Variants in PLA2G5 observed in about 807,000 individuals in gnomAD.
The protein encoded by PLA2G5 is Ca2+-dependent phospholipase A2.
A neutral mutation model predicts 15.9 loss-of-function variants in PLA2G5; 12 were observed. The observed-to-expected ratio is 0.76, with a 90% CI of 0.48 to 1.23. The LOEUF (loss-of-function observed/expected upper bound fraction) is 1.23. Ranked by LOEUF, PLA2G5 falls within the 50% of genes most tolerant of loss-of-function variation. The pLI is 0.00. For synonymous variants in PLA2G5, 71 were observed against 71.4 expected (o/e 0.99, Z 0.03); for missense variants, 169 against 177.1 (o/e 0.95, Z 0.26).
intron 1 of PLA2G5, among the ~76,000 whole-genome samples, chr1:20,078,226 G>T (rs2015795480): frequency 6.6e-6 from 1 of 152,178 alleles, no homozygotes; most frequent in Admixed American, 6.5e-5. Context: ...GGGTCCCTGA[G>T]GGCAAGCTCA....
chr1:20,056,795 A>AT (rs1432202148), intron 1 of PLA2G5, among the ~76,000 whole-genome samples: 1 of 152,006 alleles, frequency 6.6e-6, no homozygotes, highest in African/African-American at 2.4e-5. Flanking sequence ...AATTAATATG[A>AT]TTTTTTCCTT....
At chr1:20,072,941 G>A (rs561074354) in intron 1 of PLA2G5, among the ~76,000 whole-genome samples, 2 of 152,310 alleles carry the variant, frequency 1.3e-5, no homozygotes, top group Admixed American at 6.5e-5. Flanking sequence ...TTTGGTCCTC[G>A]TAGTGCCTAA....
intron 1 of PLA2G5, among the ~76,000 whole-genome samples, chr1:20,038,716 T>C (rs562003563): frequency 2.6e-4 from 39 of 152,268 alleles, no homozygotes; most frequent in African/African-American, 8.7e-4. Flanking sequence ...GAGTTTGAAG[T>C]TGCAGTAGAC....
rs577747855 is a variant in PLA2G5, at chr1:20,090,435, T to C, written c.293-133T>C. ...GCTGTGCCCCTTCCATCAGATTCTC[T>C]ATTCCCCCGATTTAGGAGCCATGCC... is the stretch of plus-strand genomic sequence containing the variant. On this transcript the variant is annotated intron_variant, in intron 4 of 4. Coordinates refer to ENST00000375108, the MANE Select transcript of PLA2G5 (RefSeq NM_000929.3). The C allele has an allele frequency of 5.7e-6, 5 of 878,324 alleles. No homozygotes were observed. In the South Asian group the frequency reaches 6.1e-5, roughly 11 times the overall value. The allele number at this position is 878,324 out of a possible 1,614,324, so 54.4% of individuals were successfully genotyped here.
chr1:20,084,181 T>C (rs958896975), intron 1 of PLA2G5, among the ~76,000 whole-genome samples: 1 of 149,322 alleles, frequency 6.7e-6, no homozygotes, highest in Non-Finnish European at 1.5e-5. Flanking sequence ...TGGCACATTG[T>C]GGGAGCCCAG....
chr1:20,070,102 C>T (rs1227459946), upstream of PLA2G5: 3 of 625,642 alleles, frequency 4.8e-6, no homozygotes, highest in African/African-American at 4.0e-5. Context: ...AATCCACCCG[C>T]ATTGGAATTC....
In PLA2G5 at chr1:20,052,173, C is replaced by CAA. The variant is rs34853506; in HGVS notation, n.277-7438_277-7437dup. Among the ~76,000 whole-genome samples, 428 of 102,242 alleles carry CAA rather than the reference C, an allele frequency of 4.2e-3. 3 individuals are homozygous for CAA. Among genetic ancestry groups the CAA allele is most frequent in the Middle Eastern group, 9.4e-3 (2 of 212 alleles). The allele number at this position is 102,242 out of a possible 152,430, so 67.1% of individuals were successfully genotyped here. On this transcript the variant is annotated intron_variant and non_coding_transcript_variant, in intron 1 of 6. Coordinates refer to the PLA2G5 transcript ENST00000460175. ...TGGGCGACAGAGCGAGACTCCATCTCAAAAAAAAAAAAAAAAAAAAAATGG... is the reference window on the plus strand; with the variant it reads ...TGGGCGACAGAGCGAGACTCCATCTCAAAAAAAAAAAAAAAAAAAAAAAATGG...
chr1:20,090,838 C>A lies in PLA2G5; in HGVS notation c.*146C>A. On this transcript the variant is annotated 3_prime_UTR_variant, in exon 5 of 5. Coordinates refer to ENST00000375108, the MANE Select transcript of PLA2G5 (RefSeq NM_000929.3). ...AGCTTGGCGGACCCCCAGGGCCACA[C>A]TGTACCCTCCAGCGAGTCCCAGGAG... is the stretch of plus-strand genomic sequence containing the variant. 1 of 781,290 alleles carries A rather than the reference C, an allele frequency of 1.3e-6. No homozygotes were observed. Among genetic ancestry groups the A allele is most frequent in the Non-Finnish European group, 2.1e-6 (1 of 473,372 alleles). The allele number at this position is 781,290 out of a possible 1,614,324, so 48.4% of individuals were successfully genotyped here.
At chr1:20,067,829 A>G (rs1336724105), upstream of PLA2G5, among the ~76,000 whole-genome samples, 1 of 152,158 alleles carries the variant, frequency 6.6e-6, no homozygotes. Context: ...CATTAAAATC[A>G]GAGGGGAGGC....
At chr1:20,080,992 C>T (rs1310076699) in intron 1 of PLA2G5, among the ~76,000 whole-genome samples, 26 of 151,886 alleles carry the variant, frequency 1.7e-4, no homozygotes. Flanking sequence ...AATGAGGCTC[C>T]GCACTGTGCG....
intron 2 of PLA2G5, among the ~76,000 whole-genome samples, chr1:20,062,721 A>G (rs2014796543): frequency 6.6e-6 from 1 of 152,160 alleles, no homozygotes; most frequent in Non-Finnish European, 1.5e-5. Context: ...ACCATGTAGC[A>G]CAGGGCCTGT....
intron 2 of PLA2G5, among the ~76,000 whole-genome samples, chr1:20,085,449 C>A (rs565199153): frequency 6.6e-6 from 1 of 152,282 alleles, no homozygotes; most frequent in South Asian, 2.1e-4. Context: ...GAGCCTTGGG[C>A]TCACTGTGAA....
At chr1:20,061,728 C>T (rs1219921698) in intron 2 of PLA2G5, among the ~76,000 whole-genome samples, 4 of 152,248 alleles carry the variant, frequency 2.6e-5, no homozygotes, top group Non-Finnish European at 5.9e-5. Context: ...TAACCCACCT[C>T]CTATCCTTCC....
At chr1:20,065,223 C>G (rs1477793242), upstream of PLA2G5, among the ~76,000 whole-genome samples, 3 of 152,152 alleles carry the variant, frequency 2.0e-5, no homozygotes, top group South Asian at 4.1e-4. Context: ...TTATTAACAT[C>G]ATGAATTAGT....
Position 20,090,454 on chromosome 1 carries a change from C to G in PLA2G5, c.293-114C>G, listed in dbSNP as rs372186561. The G allele has an allele frequency of 4.9e-6, 5 of 1,029,112 alleles. No individual in the cohort carries two copies. In the South Asian group the frequency reaches 5.5e-5, roughly 11 times the overall value. The allele number at this position is 1,029,112 out of a possible 1,614,324, so 63.7% of individuals were successfully genotyped here. ...ATTCTCTATTCCCCCGATTTAGGAG[C>G]CATGCCTCTTCCATCAGGCTGAAAG... On this transcript the variant is annotated intron_variant, in intron 4 of 4. Transcript: ENST00000375108.
intron 1 of PLA2G5, among the ~76,000 whole-genome samples, chr1:20,057,330 T>C (rs983821980): frequency 1.3e-5 from 2 of 151,948 alleles, no homozygotes; most frequent in East Asian, 1.9e-4. Context: ...TTTTTTTTTT[T>C]CTAATGTGTG....
chr1:20,037,756 G>A (rs2013344563), intron 1 of PLA2G5, among the ~76,000 whole-genome samples: 1 of 152,186 alleles, frequency 6.6e-6, no homozygotes, highest in African/African-American at 2.4e-5. Flanking sequence ...TTTGCCCTAA[G>A]GTTGCCTAAG....
chr1:20,072,744 G>T (rs1401137736), intron 1 of PLA2G5, among the ~76,000 whole-genome samples: 7 of 152,164 alleles, frequency 4.6e-5, no homozygotes, highest in African/African-American at 1.7e-4. Flanking sequence ...CATGAACTCT[G>T]CTGGGGAGCT....
At chr1:20,088,390 G>A (rs114762791) in intron 3 of PLA2G5, among the ~76,000 whole-genome samples, 2,376 of 149,884 alleles carry the variant, frequency 0.016, 58 homozygotes, top group African/African-American at 0.054. Context: ...ACAATGAAAT[G>A]TAACATGGGA....
Sources: allele counts gnomAD v4.1 joint callset (sites outside exome capture counted in the v4.1 genomes callset), GRCh38; gene constraint gnomAD v4.1.1; transcripts MANE v1.5; gene names NCBI Gene and HGNC (gene_info 2026-07-23, HGNC 2026-07-21).